Variants in AZGP1 observed in about 807,000 individuals in gnomAD.
AZGP1 encodes the protein zinc-alpha-2-glycoprotein.
In AZGP1, 28 loss-of-function variants were observed where a neutral mutation model predicts 31.5. The ratio of observed to expected loss-of-function variants is 0.89; its 90% CI spans 0.66 to 1.22. The LOEUF is 1.22. Among genes scored for constraint, AZGP1 ranks in the 50% most tolerant of loss-of-function variants. The probability of loss-of-function intolerance (pLI) is 0.00; values close to 1 mark genes in which losing one functional copy is unlikely to be tolerated. For missense variants in AZGP1, 361 were observed against 371.8 expected (o/e 0.97, Z 0.24); for synonymous variants, 135 against 145.4 (o/e 0.93, Z 0.51).
At chr7:99,968,782 G>A (rs905684102) in intron 2 of AZGP1, 2 of 273,122 alleles carry the variant, frequency 7.3e-6, no homozygotes, top group Non-Finnish European at 1.4e-5. Flanking sequence ...GGGTGATATG[G>A]CGAAATCCCA....
At chr7:99,967,792 T>TA in intron 3 of AZGP1, 1 of 527,530 alleles carries the variant, frequency 1.9e-6, no homozygotes, top group East Asian at 3.2e-5. Context: ...ATTGTAGAGA[T>TA]AAAAAACGAT....
At chr7:99,971,458 G>C in intron 2 of AZGP1, 1 of 362,716 alleles carries the variant, frequency 2.8e-6, no homozygotes, top group South Asian at 4.1e-5. Context: ...GCCTCCGATG[G>C]GTGGGGTGTG....
Position 99,967,048 on chromosome 7 carries a change from G to A in AZGP1, c.852C>T (p.His284=). 1.2e-6 allele frequency: 2 copies of A among 1,614,224 alleles called. No individual in the cohort carries two copies. The highest frequency in any genetic ancestry group is 1.1e-5 in the South Asian group (1 of 91,088). ...DTAPYSCHVQ[H]SSLAQPLVVP... ...CCACGAGGGGCTGGGCCAGGCTGCTGTGCTGCACGTGGCAGGAGTAGGGGG... is the reference window on the plus strand; with the variant it reads ...CCACGAGGGGCTGGGCCAGGCTGCTATGCTGCACGTGGCAGGAGTAGGGGG... Residue 284 remains histidine, a synonymous_variant, in exon 4 of 4, where the codon CAC becomes CAT. Transcript: ENST00000292401.
intron 2 of AZGP1, among the ~76,000 whole-genome samples, chr7:99,970,356 G>A (rs762695731): frequency 6.6e-6 from 1 of 152,116 alleles, no homozygotes; most frequent in Non-Finnish European, 1.5e-5. Flanking sequence ...CAATTCTCCT[G>A]CCTCAGCCTC....
At chr7:99,968,961 T>C (rs1244968814) in intron 2 of AZGP1, among the ~76,000 whole-genome samples, 2 of 1,382 alleles carry the variant, frequency 1.4e-3, no homozygotes, top group Admixed American at 0.013. Context: ...AGACCCTATC[T>C]CAAAAAAAAA....
chr7:99,968,713 A>G (rs557289720), intron 2 of AZGP1: 90 of 429,870 alleles, frequency 2.1e-4, no homozygotes, highest in African/African-American at 1.6e-3. Flanking sequence ...CTGTAATCCC[A>G]GCACTTTGAG....
chr7:99,968,824 A>G, intron 2 of AZGP1: 1 of 223,798 alleles, frequency 4.5e-6, no homozygotes, highest in Non-Finnish European at 8.7e-6. Flanking sequence ...TTAGCGCAGC[A>G]TGGTGGTGCA....
Position 99,968,148 on chromosome 7 carries a change from T to G in AZGP1, c.613+7A>C. 9 of 1,613,792 alleles carry G rather than the reference T, an allele frequency of 5.6e-6. No individual in the cohort carries two copies. The highest frequency in any genetic ancestry group is 7.6e-6 in the Non-Finnish European group (9 of 1,179,980). On this transcript the variant is annotated splice_region_variant and intron_variant, in intron 3 of 3. Coordinates refer to ENST00000292401, the MANE Select transcript of AZGP1 (RefSeq NM_001185.4). Reference sequence around the variant, plus strand: ...CTCAGTACTGGGGAGCAGGAAGCAGTGAGTACCTTGCCGGTCCAGGATATT... The same window carrying G: ...CTCAGTACTGGGGAGCAGGAAGCAGGGAGTACCTTGCCGGTCCAGGATATT...
intron 3 of AZGP1, chr7:99,967,840 C>T: frequency 1.8e-6 from 1 of 558,558 alleles, no homozygotes. Flanking sequence ...TGAGTCCCAG[C>T]TCTGCCTCTT....
intron 1 of AZGP1, among the ~76,000 whole-genome samples, chr7:99,974,224 TG>T (rs1789623166): frequency 6.6e-6 from 1 of 152,170 alleles, no homozygotes; most frequent in South Asian, 2.1e-4. Flanking sequence ...CACTCCAGCC[TG>T]GGTGACAGAA....
At chr7:99,969,493 T>C (rs1042325157) in intron 2 of AZGP1, among the ~76,000 whole-genome samples, 1 of 150,934 alleles carries the variant, frequency 6.6e-6, no homozygotes, top group African/African-American at 2.4e-5. Flanking sequence ...GGCAGGAGAA[T>C]CCCTTGAACC....
intron 1 of AZGP1, 77 bp from the exon 2 acceptor site, chr7:99,972,083 G>T: frequency 6.8e-7 from 1 of 1,474,578 alleles, no homozygotes. Flanking sequence ...TAGGAGGGGA[G>T]ACCTGCCACT....
intron 2 of AZGP1, 76 bp downstream of exon 2, chr7:99,971,670 G>T: frequency 1.3e-6 from 2 of 1,512,790 alleles, no homozygotes; most frequent in Non-Finnish European, 1.8e-6. Context: ...CCATCCTGCT[G>T]ATCCCTTGCC....
intron 1 of AZGP1, among the ~76,000 whole-genome samples, chr7:99,975,138 G>A (rs1789639620): frequency 6.6e-6 from 1 of 151,964 alleles, no homozygotes; most frequent in Non-Finnish European, 1.5e-5. Flanking sequence ...TACAGTGTAT[G>A]TATGTATGTG....
intron 3 of AZGP1, chr7:99,967,850 TACAG>T (rs1047891847): frequency 1.0e-5 from 6 of 573,572 alleles, no homozygotes; most frequent in African/African-American, 7.5e-5. Flanking sequence ...CTCTGCCTCT[TACAG>T]ACAGTGTTAC....
At position 99,967,188 on chromosome 7, in the gene AZGP1, G is replaced by A; in HGVS notation, c.712C>T (p.His238Tyr). Residue 238 changes from histidine (H) to tyrosine (Y), a missense_variant, in exon 4 of 4, where the codon CAC becomes TAC. Physicochemically the swap from His to Tyr is moderately conservative, Grantham distance 83. Coordinates refer to ENST00000292401, the MANE Select transcript of AZGP1 (RefSeq NM_001185.4). The part of the protein sequence containing the change: ...YDFYPGKIDV[H>Y]WTRAGEVQEP... ...TGCACCTCGCCGGCCCGAGTCCAGT[G>A]CACATCAATTTTCCCTGGGTAGAAG... The A allele has an allele frequency of 6.2e-7, 1 of 1,614,078 alleles. No individual in the cohort carries two copies. The highest frequency in any genetic ancestry group is 2.2e-5 in the East Asian group (1 of 44,872).
intron 1 of AZGP1, among the ~76,000 whole-genome samples, chr7:99,974,838 G>T (rs1789632614): frequency 6.6e-6 from 1 of 151,898 alleles, no homozygotes; most frequent in Non-Finnish European, 1.5e-5. Flanking sequence ...GAGTAAAGTG[G>T]ATTACTCTCC....
intron 1 of AZGP1, among the ~76,000 whole-genome samples, chr7:99,973,424 G>T (rs990223141): frequency 6.6e-6 from 1 of 152,142 alleles, no homozygotes; most frequent in Non-Finnish European, 1.5e-5. Context: ...TCTTGCTCCT[G>T]AGTGTCTAAA....
Position 99,966,926 on chromosome 7 carries a change from T to G in AZGP1, c.*77A>C, listed in dbSNP as rs1328134424. The G allele has an allele frequency of 1.3e-5, 20 of 1,538,406 alleles. No homozygotes were observed. The highest frequency in any genetic ancestry group is 1.2e-4 in the South Asian group (10 of 80,744). On this transcript the variant is annotated 3_prime_UTR_variant, in exon 4 of 4. Coordinates refer to ENST00000292401, the MANE Select transcript of AZGP1 (RefSeq NM_001185.4). ...TTGTGGATCCATTGACTGTGATTTC[T>G]GTGGTTCAGCTCCCACATCAGGCAG... is the stretch of plus-strand genomic sequence containing the variant.
Sources: gnomAD v4.1 joint callset for allele counts (sites outside exome capture counted in the v4.1 genomes callset) on GRCh38, gnomAD v4.1.1 for gene constraint, MANE v1.5 for transcripts, NCBI Gene and HGNC (gene_info 2026-07-23, HGNC 2026-07-21) for gene names.